The following NOVA2 variants were observed in gnomAD, a reference collection of about 807,000 sequenced individuals.
NOVA2 encodes RNA-binding protein Nova-2.
NOVA2 carries 9 observed loss-of-function variants against 22.5 expected under a neutral mutation model. The observed-to-expected ratio is 0.40, with a 90% confidence interval of 0.24 to 0.70. NOVA2 has a LOEUF of 0.70. Ranked by LOEUF, NOVA2 falls within the 30% of genes least tolerant of loss-of-function variation. The pLI is 0.38. For missense variants in NOVA2, 383 were observed against 682.8 expected (o/e 0.56, Z 4.89); for synonymous variants, 318 against 335.2 (o/e 0.95, Z 0.56).
rs1233757584 is a variant in NOVA2, at chr19:45,936,678, G to C, written c.*3185C>G. 6.6e-6 allele frequency: 1 copy of C among 151,162 alleles called. No homozygotes were observed. The highest frequency in any genetic ancestry group is 1.9e-4 in the East Asian group (1 of 5,170). 9.4% of individuals were successfully genotyped at this position (151,162 alleles called of 1,614,324 possible). A position where few individuals can be genotyped will look rare whatever the true frequency, so the allele number is the denominator to read the frequency against. On this transcript the variant is annotated 3_prime_UTR_variant, in exon 4 of 4. Coordinates refer to ENST00000263257, the MANE Select transcript of NOVA2 (RefSeq NM_002516.4). ...GGACAGAAAACAATGGGAACCACACGGAGGAAAAAAAAATAGAAAGTCATA... is the reference window on the plus strand; with the variant it reads ...GGACAGAAAACAATGGGAACCACACCGAGGAAAAAAAAATAGAAAGTCATA...
intron 3 of NOVA2, among the ~76,000 whole-genome samples, chr19:45,945,704 A>T (rs1326045791): frequency 6.6e-6 from 1 of 152,224 alleles, no homozygotes; most frequent in Non-Finnish European, 1.5e-5. Flanking sequence ...ATGTGTATAT[A>T]TGAATATGAA....
At chr19:45,955,148 A>C (rs1286070000) in intron 2 of NOVA2, among the ~76,000 whole-genome samples, 1 of 152,094 alleles carries the variant, frequency 6.6e-6, no homozygotes, top group Non-Finnish European at 1.5e-5. Flanking sequence ...GAGGCTACAC[A>C]ATGAATATAT....
At chr19:45,946,864 A>C (rs1967847451) in intron 3 of NOVA2, among the ~76,000 whole-genome samples, 1 of 134,434 alleles carries the variant, frequency 7.4e-6, no homozygotes, top group African/African-American at 2.8e-5. Flanking sequence ...AGTGAGCAAG[A>C]CTCCGTCTAA....
chr19:45,968,592 AATG>A (rs991872004), intron 1 of NOVA2, among the ~76,000 whole-genome samples: 4 of 152,106 alleles, frequency 2.6e-5, no homozygotes, highest in African/African-American at 7.2e-5. Flanking sequence ...ATATAATAAT[AATG>A]ATGATGATGA....
At position 45,939,824 on chromosome 19, in the gene NOVA2, T is replaced by G. The variant is rs776416570; in HGVS notation, c.*39A>C. On this transcript the variant is annotated 3_prime_UTR_variant, in exon 4 of 4. Coordinates refer to ENST00000263257, the MANE Select transcript of NOVA2 (RefSeq NM_002516.4). Reference sequence around the variant, plus strand: ...GAGGAGGAGAGGGAAGAGGAGGAGATGGGAGGAGAGAAAAGGGTGGGAGCA... The same window carrying G: ...GAGGAGGAGAGGGAAGAGGAGGAGAGGGGAGGAGAGAAAAGGGTGGGAGCA... 6.2e-7 allele frequency: 1 copy of G among 1,608,520 alleles called. No individual in the cohort carries two copies. The highest frequency in any genetic ancestry group is 1.3e-5 in the African/African-American group (1 of 74,174).
At chr19:45,960,036 G>A (rs187450580) in intron 2 of NOVA2, among the ~76,000 whole-genome samples, 32 of 151,918 alleles carry the variant, frequency 2.1e-4, no homozygotes, top group Admixed American at 1.8e-3. Flanking sequence ...AGGGAGAGGT[G>A]AGAGACTTTG....
intron 2 of NOVA2, among the ~76,000 whole-genome samples, chr19:45,957,134 G>T (rs1568668306): frequency 6.7e-6 from 1 of 149,752 alleles, no homozygotes; most frequent in Non-Finnish European, 1.5e-5. Flanking sequence ...TGTGTGGTGG[G>T]ACACAGTGGC....
chr19:45,958,429 AGT>A (rs1968039667), intron 2 of NOVA2, among the ~76,000 whole-genome samples: 1 of 148,418 alleles, frequency 6.7e-6, no homozygotes, highest in South Asian at 2.1e-4. Flanking sequence ...AGTGTGAATG[AGT>A]GTGAGAGCAC....
intron 1 of NOVA2, among the ~76,000 whole-genome samples, chr19:45,972,126 TGG>T (rs1968240325): frequency 1.3e-5 from 2 of 151,956 alleles, no homozygotes; most frequent in South Asian, 4.2e-4. Flanking sequence ...TACACACAGC[TGG>T]GTGTCATATG....
intron 1 of NOVA2, among the ~76,000 whole-genome samples, chr19:45,961,437 G>A (rs1487737980): frequency 2.0e-5 from 3 of 151,930 alleles, no homozygotes; most frequent in Non-Finnish European, 4.4e-5. Flanking sequence ...CCAAGAGCTC[G>A]CACAGCTAGC....
chr19:45,973,151 AG>A, intron 1 of NOVA2, 115 bp downstream of exon 1: 2 of 247,558 alleles, frequency 8.1e-6, no homozygotes, highest in South Asian at 9.0e-5. Context: ...CGCCTCGGGG[AG>A]GGGTGTCTCT....
intron 3 of NOVA2, among the ~76,000 whole-genome samples, chr19:45,941,774 T>C (rs1349941816): frequency 5.3e-5 from 8 of 152,124 alleles, no homozygotes; most frequent in Non-Finnish European, 1.2e-4. Context: ...ATATCCACAA[T>C]GGTTGGTTAA....
intron 3 of NOVA2, among the ~76,000 whole-genome samples, chr19:45,947,495 A>G (rs1272324241): frequency 6.7e-6 from 1 of 148,502 alleles, no homozygotes; most frequent in African/African-American, 2.5e-5. Flanking sequence ...TTTTTTTGAG[A>G]CGGAGTTTCG....
rs76813912 is a variant in NOVA2, at chr19:45,954,397, C to T, written c.230-451G>A. Among the ~76,000 whole-genome samples the T allele has an allele frequency of 4.1e-4, 63 of 152,330 alleles. 1 individual carries two copies. The East Asian group carries it at 9.5e-3, about 23-fold the overall frequency. ...GAACCCCCTTATCGGTCTGGCTGGC[C>T]GGGTCCTCAGCCCACCCCCAGGGGG... On this transcript the variant is annotated intron_variant, in intron 2 of 3. Transcript: ENST00000263257.
chr19:45,961,174 G>A (rs2146422791), intron 1 of NOVA2, 21 bp from the exon 2 acceptor site: 2 of 1,592,042 alleles, frequency 1.3e-6, no homozygotes, highest in Non-Finnish European at 1.7e-6. Context: ...ACACAGGGTG[G>A]AGGGGAGTCA....
chr19:45,950,735 T>C (rs1400529911), intron 3 of NOVA2, among the ~76,000 whole-genome samples: 1 of 152,106 alleles, frequency 6.6e-6, no homozygotes, highest in African/African-American at 2.4e-5. Flanking sequence ...GCCCCAGTGA[T>C]TTGCAAGCCC....
Position 45,940,451 on chromosome 19 carries a change from GC to G in NOVA2, c.890del (p.Gly297AlafsTer99). On this transcript the variant is annotated frameshift_variant, in exon 4 of 4. Transcript: ENST00000263257. LOFTEE classifies it low-confidence loss of function (END_TRUNC). ...AAGCTGCGGCCGAGTTGAGGCCCAG[GC>G]CCAGGGAGTTGGTGTTGTAGCCGTA... ...ASYGYNTNSL[G>X]LGLNSAAASG... is the part of the protein sequence containing the mutation. 2 of 1,528,820 alleles carry G rather than the reference GC, an allele frequency of 1.3e-6. No homozygotes were observed. Among genetic ancestry groups the G allele is most frequent in the East Asian group, 2.8e-5 (1 of 35,538 alleles). The allele number at this position is 1,528,820 out of a possible 1,614,324, so 94.7% of individuals were successfully genotyped here. A position where few individuals can be genotyped will look rare whatever the true frequency, so the allele number is the denominator to read the frequency against.
intron 2 of NOVA2, among the ~76,000 whole-genome samples, chr19:45,954,889 T>C (rs1028591271): frequency 2.0e-5 from 3 of 149,160 alleles, no homozygotes; most frequent in African/African-American, 7.5e-5. Flanking sequence ...TGTGTGTGTG[T>C]GTGTACTTGA....
At chr19:45,958,034 C>G (rs1174017941) in intron 2 of NOVA2, among the ~76,000 whole-genome samples, 2 of 150,918 alleles carry the variant, frequency 1.3e-5, no homozygotes, top group African/African-American at 4.9e-5. Context: ...CTCGCTTGGA[C>G]CCAGGAGGCA....
Sources: allele counts gnomAD v4.1 joint callset (sites outside exome capture counted in the v4.1 genomes callset), GRCh38; gene constraint gnomAD v4.1.1; transcripts MANE v1.5; gene names NCBI Gene and HGNC (gene_info 2026-07-23, HGNC 2026-07-21).